Variants in GPATCH8 observed in about 807,000 individuals in gnomAD.
GPATCH8 encodes the protein G patch domain-containing protein 8.
GPATCH8 carries 18 observed loss-of-function variants against 118.3 expected under a neutral mutation model. That is an observed-to-expected ratio of 0.15 (90% CI 0.11 to 0.23). The LOEUF is 0.23. Among genes scored for constraint, GPATCH8 ranks in the 10% least tolerant of loss-of-function variants. GPATCH8 has a pLI of 1.00. For missense variants in GPATCH8, 1,631 were observed against 1,873.8 expected (o/e 0.87, Z 2.39); for synonymous variants, 659 against 684.7 (o/e 0.96, Z 0.59).
rs1465829833 is a variant in GPATCH8, at chr17:44,398,214, T to A, written c.3863A>T (p.Asp1288Val). 1 of 1,613,270 alleles carries A rather than the reference T, an allele frequency of 6.2e-7. No homozygotes were observed. The highest frequency in any genetic ancestry group is 8.5e-7 in the Non-Finnish European group (1 of 1,179,508). ...CCCATCTGTTGACTCAATACTAGGA[T>A]CCCCACTGGGAGGTGCATAACTGGG... ...HFPSYAPPSG[D>V]PSIESTDGAE... Residue 1288 changes from aspartate to valine, a missense_variant, in exon 8 of 8, where the codon GAT (aspartate) becomes GTT (valine). Coordinates refer to ENST00000591680, the MANE Select transcript of GPATCH8 (RefSeq NM_001002909.4).
chr17:44,445,846 A>G (rs1337095579), intron 3 of GPATCH8: 1 of 152,116 alleles, frequency 6.6e-6, no homozygotes, highest in East Asian at 1.9e-4. Flanking sequence ...AAAAGAAAAA[A>G]TATACTTGTA....
chr17:44,453,530 T>TGTGTGTGTGTGTGTGTGTGTGC (rs1052518435), intron 3 of GPATCH8, among the ~76,000 whole-genome samples: 9 of 150,448 alleles, frequency 6.0e-5, no homozygotes, highest in African/African-American at 2.0e-4. Context: ...TGTGTGTGTG[T>TGTGTGTGTGTGTGTGTGTGTGC]GCAGGCGCGC....
At chr17:44,436,381 C>T (rs2050514421) in intron 4 of GPATCH8, 97 bp downstream of exon 4, 1 of 754,240 alleles carries the variant, frequency 1.3e-6, no homozygotes, top group Admixed American at 1.8e-5. Flanking sequence ...AACTACATTT[C>T]ATCTGATAAA....
At chr17:44,469,480 C>T (rs937204883) in intron 2 of GPATCH8, among the ~76,000 whole-genome samples, 4 of 152,104 alleles carry the variant, frequency 2.6e-5, no homozygotes, top group East Asian at 1.9e-4. Context: ...CAGTAGGAAA[C>T]GGCCTATTAT....
intron 6 of GPATCH8, among the ~76,000 whole-genome samples, chr17:44,414,006 C>A (rs976660843): frequency 1.3e-5 from 2 of 150,054 alleles, no homozygotes; most frequent in South Asian, 4.2e-4. Flanking sequence ...CAGCAAAACT[C>A]CTTAAAAGTA....
intron 3 of GPATCH8, among the ~76,000 whole-genome samples, chr17:44,459,645 C>A (rs2051469135): frequency 6.6e-6 from 1 of 151,972 alleles, no homozygotes; most frequent in East Asian, 1.9e-4. Flanking sequence ...AGACTGATCA[C>A]ATACTTAATT....
chr17:44,434,793 T>C (rs2050440441), intron 5 of GPATCH8, among the ~76,000 whole-genome samples: 1 of 152,234 alleles, frequency 6.6e-6, no homozygotes, highest in African/African-American at 2.4e-5. Context: ...CTGCTACCAC[T>C]ACTTGAATAC....
intron 3 of GPATCH8, among the ~76,000 whole-genome samples, chr17:44,452,544 T>C (rs1336006071): frequency 1.3e-5 from 2 of 152,180 alleles, no homozygotes; most frequent in Non-Finnish European, 2.9e-5. Context: ...TCAGCCTTCA[T>C]AGTTATTCCT....
At chr17:44,469,890 T>C (rs144255836) in intron 2 of GPATCH8, among the ~76,000 whole-genome samples, 202 of 152,348 alleles carry the variant, frequency 1.3e-3, no homozygotes, top group African/African-American at 4.4e-3. Context: ...TATAAAGAAT[T>C]ACAGTTTGGA....
At chr17:44,473,899 T>C (rs528619533) in intron 2 of GPATCH8, 4 of 152,298 alleles carry the variant, frequency 2.6e-5, no homozygotes, top group African/African-American at 9.6e-5. Context: ...GTTTTGAAAA[T>C]AAAAGCTAAA....
chr17:44,503,120 G>A (rs987888069), intron 1 of GPATCH8, among the ~76,000 whole-genome samples: 1 of 152,242 alleles, frequency 6.6e-6, no homozygotes, highest in Non-Finnish European at 1.5e-5. Flanking sequence ...CGCGGCCTGA[G>A]TTTCAGGGGT....
chr17:44,405,446 G>A (rs2049184037), intron 7 of GPATCH8, among the ~76,000 whole-genome samples: 1 of 152,044 alleles, frequency 6.6e-6, no homozygotes, highest in African/African-American at 2.4e-5. Context: ...AACCTCAGGT[G>A]ATCTGCCCGC....
intron 3 of GPATCH8, among the ~76,000 whole-genome samples, chr17:44,448,566 A>G (rs1176144113): frequency 9.8e-6 from 1 of 102,400 alleles, no homozygotes; most frequent in Non-Finnish European, 2.2e-5. Context: ...GAAGAAGAAG[A>G]GGAAGAGGAA....
chr17:44,475,203 A>T (rs1967644731), intron 1 of GPATCH8, among the ~76,000 whole-genome samples: 1 of 150,218 alleles, frequency 6.7e-6, no homozygotes, highest in South Asian at 2.1e-4. Context: ...AAATAATGAA[A>T]CTCCATCTCC....
chr17:44,424,824 T>C (rs1366475943), intron 5 of GPATCH8, among the ~76,000 whole-genome samples: 1 of 152,234 alleles, frequency 6.6e-6, no homozygotes. Context: ...ATACAACCTG[T>C]ATTAATAGTC....
intron 5 of GPATCH8, among the ~76,000 whole-genome samples, chr17:44,425,108 G>A (rs1317036877): frequency 6.6e-6 from 1 of 152,040 alleles, no homozygotes; most frequent in Admixed American, 6.6e-5. Context: ...GACATCAAAA[G>A]ACATCTCAAA....
intron 6 of GPATCH8, among the ~76,000 whole-genome samples, chr17:44,416,052 G>A (rs906387489): frequency 6.6e-6 from 1 of 152,228 alleles, no homozygotes; most frequent in South Asian, 2.1e-4. Context: ...GCCCAGGCTG[G>A]AGTGTAGCGG....
intron 1 of GPATCH8, among the ~76,000 whole-genome samples, chr17:44,480,120 GA>G (rs1240896350): frequency 6.6e-6 from 1 of 151,688 alleles, no homozygotes; most frequent in Non-Finnish European, 1.5e-5. Context: ...CAAAAGAGGG[GA>G]AAAAAACAAC....
At chr17:44,404,536 C>T (rs2049148539) in intron 7 of GPATCH8, among the ~76,000 whole-genome samples, 1 of 152,000 alleles carries the variant, frequency 6.6e-6, no homozygotes, top group African/African-American at 2.4e-5. Context: ...GCTAGGCATC[C>T]CTTCAAGCAT....
Sources: allele counts gnomAD v4.1 joint callset (sites outside exome capture counted in the v4.1 genomes callset), GRCh38; gene constraint gnomAD v4.1.1; transcripts MANE v1.5; gene names NCBI Gene and HGNC (gene_info 2026-07-23, HGNC 2026-07-21).